LUZP2: variants seen among roughly 807,000 people sequenced by gnomAD.
The protein encoded by LUZP2 is leucine zipper protein 2.
In LUZP2, 52 loss-of-function variants were observed where a neutral mutation model predicts 51.6. That is an observed-to-expected ratio of 1.01 (90% CI 0.81 to 1.27). The LOEUF (loss-of-function observed/expected upper bound fraction) is 1.27, where lower values mean the gene tolerates loss of function less well. LUZP2 is among the 50% of genes most tolerant of loss of function. LUZP2 has a pLI of 0.00. For missense variants in LUZP2, 436 were observed against 395.4 expected (o/e 1.10, Z -0.87); for synonymous variants, 154 against 137.3 (o/e 1.12, Z -0.85).
chr11:25,006,302 G>A lies in LUZP2; in HGVS notation c.765+23009G>A, dbSNP rs1856833179. On this transcript the variant is annotated intron_variant, in intron 9 of 11. Coordinates refer to ENST00000336930, the MANE Select transcript of LUZP2 (RefSeq NM_001009909.4). ...TTGTCTGACAGGCATTAGGACCCAGGAGCCAAGGGTCAGGATAGATAGGAT... is the reference window on the plus strand; with the variant it reads ...TTGTCTGACAGGCATTAGGACCCAGAAGCCAAGGGTCAGGATAGATAGGAT... Among the ~76,000 whole-genome samples the A allele has an allele frequency of 2.0e-5, 3 of 152,248 alleles. No individual in the cohort carries two copies. The South Asian group carries it at 6.2e-4, about 32-fold the overall frequency.
chr11:24,831,802 G>T (rs1252386485), intron 5 of LUZP2: 1 of 152,578 alleles, frequency 6.6e-6, no homozygotes, highest in East Asian at 1.9e-4. Flanking sequence ...AAGTAAAAGA[G>T]ACAGTTTCTG....
intron 9 of LUZP2, among the ~76,000 whole-genome samples, chr11:25,041,750 G>A (rs752083871): frequency 8.6e-5 from 13 of 152,046 alleles, no homozygotes; most frequent in African/African-American, 1.9e-4. Context: ...ATTCTTCAGC[G>A]CAGGGGTCCC....
At chr11:24,826,727 T>G (rs1850555008) in intron 5 of LUZP2, among the ~76,000 whole-genome samples, 1 of 152,176 alleles carries the variant, frequency 6.6e-6, no homozygotes, top group African/African-American at 2.4e-5. Flanking sequence ...CTGCAGTGAA[T>G]AGACCCAACT....
At chr11:25,070,373 C>G (rs1001806709) in intron 10 of LUZP2, among the ~76,000 whole-genome samples, 1 of 151,864 alleles carries the variant, frequency 6.6e-6, no homozygotes, top group Non-Finnish European at 1.5e-5. Context: ...AAAGCAAAGG[C>G]AAAGCAAAGA....
intron 1 of LUZP2, among the ~76,000 whole-genome samples, chr11:24,502,631 G>C (rs548576685): frequency 6.6e-6 from 1 of 151,932 alleles, no homozygotes; most frequent in Non-Finnish European, 1.5e-5. Flanking sequence ...TGATCCACCC[G>C]CCTCTCGACC....
Position 25,045,623 on chromosome 11 carries a change from GA to G in LUZP2, c.766-4414del, listed in dbSNP as rs201103923. On this transcript the variant is annotated intron_variant, in intron 9 of 11. Coordinates refer to ENST00000336930, the MANE Select transcript of LUZP2 (RefSeq NM_001009909.4). ...TTTGCATGAGAAAACATAATTAAGT[GA>G]GCATGAAAAGGATCCATCTGCTACA... Among the ~76,000 whole-genome samples the G allele has an allele frequency of 7.9e-3, 1,201 of 152,236 alleles. 34 individuals are homozygous for G. In the East Asian group the frequency reaches 0.099, roughly 13 times the overall value.
At chr11:24,926,421 A>ATGTGTGTATATATATACGTGTATATATG (rs1565119773) in intron 7 of LUZP2, among the ~76,000 whole-genome samples, 56 of 135,248 alleles carry the variant, frequency 4.1e-4, no homozygotes, top group African/African-American at 1.5e-3. Flanking sequence ...GTGTATATAT[A>ATGTGTGTATATATATACGTGTATATATG]TGTGTGTATA....
chr11:24,963,700 T>G (rs185617293), intron 7 of LUZP2, among the ~76,000 whole-genome samples: 2,541 of 152,252 alleles, frequency 0.017, 38 homozygotes, highest in South Asian at 0.083. Context: ...AGGGAACTCC[T>G]TGACCCCTTG....
chr11:24,553,254 TAA>T (rs1851772058), intron 1 of LUZP2, among the ~76,000 whole-genome samples: 1 of 151,978 alleles, frequency 6.6e-6, no homozygotes, highest in Non-Finnish European at 1.5e-5. Flanking sequence ...ATATTATTTA[TAA>T]GTTTGTTAGA....
At chr11:24,907,988 C>A (rs906477075) in intron 6 of LUZP2, among the ~76,000 whole-genome samples, 2 of 151,800 alleles carry the variant, frequency 1.3e-5, no homozygotes, top group Non-Finnish European at 2.9e-5. Context: ...AAATTTAGAG[C>A]TTAACATTCT....
intron 1 of LUZP2, among the ~76,000 whole-genome samples, chr11:24,503,692 C>T (rs1293929022): frequency 6.6e-6 from 1 of 152,164 alleles, no homozygotes; most frequent in Non-Finnish European, 1.5e-5. Context: ...CCCAGGGTGA[C>T]TGAGACTTGC....
intron 1 of LUZP2, among the ~76,000 whole-genome samples, chr11:24,645,559 T>C (rs1245772366): frequency 6.6e-6 from 1 of 152,112 alleles, no homozygotes; most frequent in Non-Finnish European, 1.5e-5. Context: ...TTCAAATGTT[T>C]CTACAAATTT....
chr11:25,050,291 C>CTTT (rs71044331), intron 10 of LUZP2, among the ~76,000 whole-genome samples, 161 bp downstream of exon 10: 1,183 of 77,132 alleles, frequency 0.015, 319 homozygotes, highest in South Asian at 0.024. Flanking sequence ...TCTTTATGTT[C>CTTT]TTTTTTTTTT....
At chr11:24,801,599 A>G (rs1481534635) in intron 5 of LUZP2, among the ~76,000 whole-genome samples, 1 of 151,922 alleles carries the variant, frequency 6.6e-6, no homozygotes, top group East Asian at 1.9e-4. Context: ...TCACAACTCC[A>G]TATTGCTTCA....
intron 1 of LUZP2, among the ~76,000 whole-genome samples, chr11:24,607,196 CA>C (rs34039155): frequency 8.8e-4 from 126 of 143,692 alleles, no homozygotes; most frequent in African/African-American, 1.3e-3. Context: ...ATGTCAAATC[CA>C]AAAAAAAAAA....
intron 5 of LUZP2, among the ~76,000 whole-genome samples, chr11:24,903,151 G>A (rs1286879589): frequency 3.3e-5 from 5 of 152,062 alleles, no homozygotes; most frequent in African/African-American, 9.7e-5. Context: ...CAACATTGCA[G>A]AGCCAGAACA....
chr11:24,594,451 T>A, intron 1 of LUZP2, among the ~76,000 whole-genome samples: 1 of 152,146 alleles, frequency 6.6e-6, no homozygotes, highest in Non-Finnish European at 1.5e-5. Context: ...ACTCTTTTGA[T>A]GCCCTGTGAA....
chr11:24,944,567 G>T (rs77872639), intron 7 of LUZP2, among the ~76,000 whole-genome samples: 1 of 152,152 alleles, frequency 6.6e-6, no homozygotes, highest in East Asian at 1.9e-4. Context: ...TTTTAGAGGT[G>T]TTTGGGGACA....
intron 5 of LUZP2, among the ~76,000 whole-genome samples, chr11:24,868,366 C>A (rs1186485887): frequency 6.6e-6 from 1 of 152,148 alleles, no homozygotes; most frequent in Admixed American, 6.6e-5. Flanking sequence ...CATAAGACTG[C>A]ATTCCATATT....
Sources: gnomAD v4.1 joint callset for allele counts (sites outside exome capture counted in the v4.1 genomes callset) on GRCh38, gnomAD v4.1.1 for gene constraint, MANE v1.5 for transcripts, NCBI Gene and HGNC (gene_info 2026-07-23, HGNC 2026-07-21) for gene names.